EPM2A: variants seen among roughly 807,000 people sequenced by gnomAD.
EPM2A encodes the protein EPM2A glucan phosphatase, laforin.
In EPM2A, 21 loss-of-function variants were observed where a neutral mutation model predicts 26.5. The observed-to-expected ratio is 0.79, with a 90% confidence interval of 0.56 to 1.14. The LOEUF (loss-of-function observed/expected upper bound fraction) is 1.14. EPM2A is among the 50% of genes most tolerant of loss of function. The pLI, the probability that EPM2A is intolerant of heterozygous loss-of-function variation, is 0.00. For synonymous variants in EPM2A, 217 were observed against 177.6 expected (o/e 1.22, Z -1.76); for missense variants, 458 against 440.8 (o/e 1.04, Z -0.35).
At chr6:145,542,130 C>T (rs7739054) in intron 2 of EPM2A, among the ~76,000 whole-genome samples, 12,203 of 152,156 alleles carry the variant, frequency 0.08, 577 homozygotes, top group East Asian at 0.17. Context: ...TATGTCTTCA[C>T]GAGCATATAG....
intron 2 of EPM2A, among the ~76,000 whole-genome samples, chr6:145,564,778 G>C (rs1780856611): frequency 1.3e-5 from 2 of 151,546 alleles, no homozygotes; most frequent in Admixed American, 6.6e-5. Flanking sequence ...TATGGTGGGG[G>C]GGGGCAGGGG....
At chr6:145,401,996 A>G (rs1178204327) in intron 4 of EPM2A, among the ~76,000 whole-genome samples, 1 of 152,198 alleles carries the variant, frequency 6.6e-6, no homozygotes, top group African/African-American at 2.4e-5. Context: ...TTTGACAATC[A>G]TCAGAAAAAT....
rs779392007 is a variant in EPM2A, at chr6:145,639,350, A to G, written c.477-3864T>C. On this transcript the variant is annotated intron_variant, in intron 2 of 3. Coordinates refer to ENST00000367519, the MANE Select transcript of EPM2A (RefSeq NM_005670.4). Reference sequence around the variant, plus strand: ...CAGAAGTTTTCAAACCTGGCTATGCATTCAAGTCACATGAGGTACTTTTAT... The same window carrying G: ...CAGAAGTTTTCAAACCTGGCTATGCGTTCAAGTCACATGAGGTACTTTTAT... 1.3e-5 allele frequency: 2 copies of G among 152,234 alleles called. 1 individual carries two copies. Among genetic ancestry groups the G allele is most frequent in the Non-Finnish European group, 2.9e-5 (2 of 68,040 alleles). The allele number at this position is 152,234 out of a possible 1,614,324, so 9.4% of individuals were successfully genotyped here.
intron 2 of EPM2A, among the ~76,000 whole-genome samples, chr6:145,590,706 C>G (rs935588317): frequency 6.6e-6 from 1 of 151,978 alleles, no homozygotes; most frequent in African/African-American, 2.4e-5. Context: ...GTCTCTGGCA[C>G]GTACAGCAAA....
chr6:145,653,356 T>C (rs999102329), intron 2 of EPM2A, among the ~76,000 whole-genome samples: 4 of 152,210 alleles, frequency 2.6e-5, no homozygotes, highest in Non-Finnish European at 5.9e-5. Flanking sequence ...ATGTAAGACA[T>C]GCCTGCTTTG....
intron 4 of EPM2A, among the ~76,000 whole-genome samples, chr6:145,426,198 G>A (rs887417914): frequency 6.6e-6 from 1 of 152,178 alleles, no homozygotes; most frequent in Non-Finnish European, 1.5e-5. Flanking sequence ...CAGCAGGCCA[G>A]GATAGGGACC....
At chr6:145,683,268 G>GGTGAGTGTGTGTGT (rs1780669907) in intron 2 of EPM2A, among the ~76,000 whole-genome samples, 1 of 134,010 alleles carries the variant, frequency 7.5e-6, no homozygotes, top group Admixed American at 7.9e-5. Context: ...CCCAGGATTT[G>GGTGAGTGTGTGTGT]GTGTGTGTGT....
At chr6:145,531,696 A>T (rs577509273) in intron 2 of EPM2A, among the ~76,000 whole-genome samples, 115 of 152,096 alleles carry the variant, frequency 7.6e-4, no homozygotes, top group African/African-American at 2.7e-3. Flanking sequence ...GAAGGAACTG[A>T]CCCTGCAGGA....
intron 2 of EPM2A, among the ~76,000 whole-genome samples, chr6:145,540,741 T>G (rs1483225939): frequency 2.6e-5 from 4 of 152,044 alleles, no homozygotes. Flanking sequence ...TTTACAAAAA[T>G]GAAAAAGATC....
chr6:145,487,027 T>C (rs926434863), intron 4 of EPM2A, among the ~76,000 whole-genome samples: 1 of 152,070 alleles, frequency 6.6e-6, no homozygotes, highest in Non-Finnish European at 1.5e-5. Context: ...CAGTGTGTGT[T>C]GTTCCCCTCT....
intron 2 of EPM2A, among the ~76,000 whole-genome samples, chr6:145,665,734 T>C (rs1445867325): frequency 8.9e-6 from 1 of 112,704 alleles, no homozygotes; most frequent in Non-Finnish European, 1.8e-5. Flanking sequence ...TAGACCAATA[T>C]CCTTGATGAA....
At chr6:145,684,477 T>C (rs1025530634) in intron 2 of EPM2A, among the ~76,000 whole-genome samples, 1 of 152,170 alleles carries the variant, frequency 6.6e-6, no homozygotes, top group Admixed American at 6.6e-5. Context: ...CTCATTCCTT[T>C]CTCTGGATCT....
At chr6:145,419,493 G>C (rs768375354) in intron 4 of EPM2A, among the ~76,000 whole-genome samples, 5 of 152,218 alleles carry the variant, frequency 3.3e-5, no homozygotes, top group Non-Finnish European at 7.3e-5. Context: ...AAAAGATTTT[G>C]ATGTGAATTG....
At chr6:145,443,221 C>T (rs1208156623) in intron 4 of EPM2A, among the ~76,000 whole-genome samples, 1 of 152,176 alleles carries the variant, frequency 6.6e-6, no homozygotes, top group Non-Finnish European at 1.5e-5. Flanking sequence ...AGTCTCTTTT[C>T]TGGTTCCATA....
chr6:145,584,406 C>T (rs910669933), intron 2 of EPM2A, among the ~76,000 whole-genome samples: 2 of 152,134 alleles, frequency 1.3e-5, no homozygotes, highest in African/African-American at 4.8e-5. Flanking sequence ...ATGGAACTGG[C>T]CCCATCCCAC....
At chr6:145,416,631 C>A (rs1490506299) in intron 4 of EPM2A, among the ~76,000 whole-genome samples, 1 of 152,130 alleles carries the variant, frequency 6.6e-6, no homozygotes, top group African/African-American at 2.4e-5. Flanking sequence ...GAACAGTTTG[C>A]ACATGGCAGC....
chr6:145,406,077 T>C (rs771311686), intron 4 of EPM2A, among the ~76,000 whole-genome samples: 1 of 151,886 alleles, frequency 6.6e-6, no homozygotes, highest in Non-Finnish European at 1.5e-5. Flanking sequence ...TTTTACACCA[T>C]GCAAATATAC....
At chr6:145,495,345 AT>A (rs1347294039) in intron 4 of EPM2A, among the ~76,000 whole-genome samples, 1 of 149,728 alleles carries the variant, frequency 6.7e-6, no homozygotes, top group Non-Finnish European at 1.5e-5. Flanking sequence ...TGCTTGGTAA[AT>A]TTTCCTTCAT....
At chr6:145,561,305 T>C (rs1365516758) in intron 2 of EPM2A, among the ~76,000 whole-genome samples, 3 of 152,152 alleles carry the variant, frequency 2.0e-5, no homozygotes, top group Non-Finnish European at 4.4e-5. Context: ...CTATACCATC[T>C]GCTATTGTGT....
Sources: allele counts gnomAD v4.1 joint callset (sites outside exome capture counted in the v4.1 genomes callset), GRCh38; gene constraint gnomAD v4.1.1; transcripts MANE v1.5; gene names NCBI Gene and HGNC (gene_info 2026-07-23, HGNC 2026-07-21).